SDK1: variants seen among roughly 807,000 people sequenced by gnomAD.
SDK1 encodes the protein sidekick cell adhesion molecule 1, also known as protein sidekick-1.
SDK1 carries 157 observed loss-of-function variants against 245.5 expected under a neutral mutation model. The ratio of observed to expected loss-of-function variants is 0.64; its 90% confidence interval spans 0.56 to 0.73. SDK1 has a LOEUF of 0.73. Ranked by LOEUF, SDK1 falls within the 30% of genes least tolerant of loss-of-function variation. The pLI is 0.00. For missense variants in SDK1, 3,583 were observed against 3,002.3 expected (o/e 1.19, Z -4.52); for synonymous variants, 1,647 against 1,278.5 (o/e 1.29, Z -6.15).
At position 4,026,089 on chromosome 7, in the gene SDK1, C is replaced by T. The variant is rs138470341; in HGVS notation, c.2602+8737C>T. Among the ~76,000 whole-genome samples the T allele has an allele frequency of 5.4e-4, 82 of 152,386 alleles. No individual in the cohort carries two copies. The highest frequency in any genetic ancestry group is 1.8e-3 in the African/African-American group (75 of 41,600). ...GGTATGCCACTCAGCACCCTGGACA[C>T]GCCAGGCCGCAGCGCTGGTCTTCCA... On this transcript the variant is annotated intron_variant, in intron 17 of 44. Transcript: ENST00000404826. The surrounding 1 kb of genome is among the most constrained non-coding windows in gnomAD (Gnocchi z 4.1).
intron 1 of SDK1, among the ~76,000 whole-genome samples, chr7:3,610,519 G>T (rs1328390171): frequency 2.0e-5 from 3 of 152,120 alleles, no homozygotes; most frequent in African/African-American, 7.2e-5. Context: ...ATTTCAGTTT[G>T]GAGAAACGGG....
chr7:4,221,567 T>C (rs904089726), intron 40 of SDK1, among the ~76,000 whole-genome samples: 2 of 152,212 alleles, frequency 1.3e-5, no homozygotes, highest in East Asian at 1.9e-4. Context: ...GCGGTTCACC[T>C]TAAGGGCATA....
At chr7:3,911,199 G>T (rs550072922) in intron 5 of SDK1, among the ~76,000 whole-genome samples, 1 of 152,338 alleles carries the variant, frequency 6.6e-6, no homozygotes, top group South Asian at 2.1e-4. Context: ...TGCTGTGGCT[G>T]TGGGATTGTT....
chr7:3,551,700 G>A (rs965643138), intron 1 of SDK1, among the ~76,000 whole-genome samples: 1 of 151,988 alleles, frequency 6.6e-6, no homozygotes, highest in African/African-American at 2.4e-5. Flanking sequence ...TTTACAGACA[G>A]GCTCTCAGTG....
At chr7:3,398,510 T>C (rs1436459857) in intron 1 of SDK1, among the ~76,000 whole-genome samples, 1 of 151,964 alleles carries the variant, frequency 6.6e-6, no homozygotes, top group Non-Finnish European at 1.5e-5. Flanking sequence ...TCTGACAAAG[T>C]AGTTTCCCTT....
At chr7:3,753,093 G>A (rs1427997006) in intron 4 of SDK1, among the ~76,000 whole-genome samples, 1 of 152,090 alleles carries the variant, frequency 6.6e-6, no homozygotes, top group Non-Finnish European at 1.5e-5. Context: ...CACTAAGATG[G>A]GTGAGGTGGG....
chr7:3,451,286 C>T (rs1381152168), intron 1 of SDK1, among the ~76,000 whole-genome samples: 4 of 151,448 alleles, frequency 2.6e-5, no homozygotes, highest in Non-Finnish European at 5.9e-5. Context: ...AAAATAGGGA[C>T]CGCTTTCCCA....
chr7:3,796,791 A>G (rs758711540), intron 4 of SDK1, among the ~76,000 whole-genome samples: 1 of 152,192 alleles, frequency 6.6e-6, no homozygotes, highest in Admixed American at 6.5e-5. Flanking sequence ...TTTGCTGTAC[A>G]CATTTTTGCC....
At chr7:4,158,400 G>C (rs375940542) in intron 30 of SDK1, 48 bp from the exon 31 acceptor site, 7 of 1,477,026 alleles carry the variant, frequency 4.7e-6, no homozygotes, top group Non-Finnish European at 6.6e-6. Context: ...CCTGAGGGCA[G>C]GACAGGGTGG....
intron 2 of SDK1, among the ~76,000 whole-genome samples, chr7:3,623,191 T>G (rs1280630158): frequency 6.6e-6 from 1 of 152,102 alleles, no homozygotes; most frequent in Admixed American, 6.5e-5. Flanking sequence ...TAAAATAACA[T>G]TTTCTTTGCT....
chr7:3,618,383 A>C (rs925789832), intron 1 of SDK1, among the ~76,000 whole-genome samples: 1 of 152,172 alleles, frequency 6.6e-6, no homozygotes, highest in African/African-American at 2.4e-5. Flanking sequence ...GTGAACTTTT[A>C]TGAACTTTTG....
At chr7:3,631,496 C>G (rs535736629) in intron 2 of SDK1, among the ~76,000 whole-genome samples, 7 of 152,176 alleles carry the variant, frequency 4.6e-5, no homozygotes, top group African/African-American at 1.2e-4. Flanking sequence ...TGCTCCTGTC[C>G]TCTATGAATT....
chr7:3,951,928 G>A lies in SDK1; in HGVS notation c.1150+8G>A, dbSNP rs74804675. 1,396 of 1,609,902 alleles carry A rather than the reference G, an allele frequency of 8.7e-4. 11 individuals carry two copies. The African/African-American group carries it at 0.016, about 19-fold the overall frequency. ...CCTTTCTTTTCATCATAGGTAATGC[G>A]GGAGCCTCTAAGTGGTGTTGCCAGC... On this transcript the variant is annotated splice_region_variant and intron_variant, in intron 7 of 44. Coordinates refer to ENST00000404826, the MANE Select transcript of SDK1 (RefSeq NM_152744.4).
At chr7:3,791,433 G>C (rs1482298264) in intron 4 of SDK1, among the ~76,000 whole-genome samples, 4 of 152,190 alleles carry the variant, frequency 2.6e-5, no homozygotes, top group South Asian at 4.1e-4. Context: ...CATAAGGAAA[G>C]ACTGACTTCG....
At chr7:3,861,381 C>T (rs1428123785) in intron 5 of SDK1, among the ~76,000 whole-genome samples, 2 of 152,192 alleles carry the variant, frequency 1.3e-5, no homozygotes, top group African/African-American at 4.8e-5. Flanking sequence ...AAAGTTGAAG[C>T]ATCTTCTTGC....
At position 4,026,201 on chromosome 7, in the gene SDK1, A is replaced by G. The variant is rs560577763; in HGVS notation, c.2602+8849A>G. On this transcript the variant is annotated intron_variant, in intron 17 of 44. Coordinates refer to ENST00000404826, the MANE Select transcript of SDK1 (RefSeq NM_152744.4). This position sits in a 1 kb window ranked among gnomAD's most constrained non-coding sequence, Gnocchi z 4.1. ...GGGAAGAGTGGAAGAGAAACCACAA[A>G]CATGCAATTTTCAGATGCGGAGAAT... Among the ~76,000 whole-genome samples, 1 of 152,130 alleles carries G rather than the reference A, an allele frequency of 6.6e-6. No homozygotes were observed. Among genetic ancestry groups the G allele is most frequent in the Non-Finnish European group, 1.5e-5 (1 of 68,024 alleles).
chr7:3,721,702 GA>G, intron 4 of SDK1, among the ~76,000 whole-genome samples: 1 of 152,152 alleles, frequency 6.6e-6, no homozygotes, highest in Non-Finnish European at 1.5e-5. Context: ...GAGGAAGGGG[GA>G]GGAATAATGA....
At chr7:3,852,789 A>G (rs1780451976) in intron 5 of SDK1, among the ~76,000 whole-genome samples, 1 of 150,702 alleles carries the variant, frequency 6.6e-6, no homozygotes, top group African/African-American at 2.4e-5. Flanking sequence ...TTTTTCCTTG[A>G]AATTTGCTTT....
At chr7:3,440,691 A>G (rs1780169515) in intron 1 of SDK1, among the ~76,000 whole-genome samples, 1 of 152,188 alleles carries the variant, frequency 6.6e-6, no homozygotes, top group Non-Finnish European at 1.5e-5. Flanking sequence ...TTAAGAAGGA[A>G]AGAGAAAAAT....
Sources: allele counts gnomAD v4.1 joint callset (sites outside exome capture counted in the v4.1 genomes callset), GRCh38; gene constraint gnomAD v4.1.1; non-coding constraint Gnocchi (gnomAD v3.1); transcripts MANE v1.5; gene names NCBI Gene and HGNC (gene_info 2026-07-23, HGNC 2026-07-21).